The following KIAA1217 variants were observed in gnomAD, a reference collection of about 807,000 sequenced individuals.
The protein encoded by KIAA1217 is KIAA1217, also known as sickle tail protein homolog.
Under a neutral mutation model 163.9 loss-of-function variants are expected in KIAA1217, and 88 were observed. The observed-to-expected ratio is 0.54, with a 90% CI of 0.45 to 0.64. KIAA1217 has a LOEUF of 0.64. KIAA1217 is among the 30% of genes least tolerant of loss of function. The pLI, the probability that KIAA1217 is intolerant of heterozygous loss-of-function variation, is 0.00. For missense variants in KIAA1217, 2,372 were observed against 2,475.0 expected (o/e 0.96, Z 0.88); for synonymous variants, 903 against 923.1 (o/e 0.98, Z 0.39).
In KIAA1217 at chr10:24,162,996, C is replaced by T. The variant is rs185681526; in HGVS notation, c.-170-56630C>T. 4.2e-3 allele frequency among the ~76,000 whole-genome samples: 634 copies of T among 152,272 alleles called. 2 individuals are homozygous for T. The highest frequency in any genetic ancestry group is 7.4e-3 in the Non-Finnish European group (504 of 68,006). On this transcript the variant is annotated intron_variant, in intron 2 of 18. Coordinates refer to the KIAA1217 transcript ENST00000376462. The stretch of plus-strand genomic sequence containing the variant: ...GCAGCCACAGTCTTTTACAATCCAT[C>T]TTGGAAATGACATGGGAAAAAATCA...
rs74124846 is a variant in KIAA1217, at chr10:23,991,487, T to C, written c.-320-15738T>C. ...ATGCATGAAGAAGTGAGATCATAGATCCTGTATCTGCAAGTGTAATATATT... is the reference window on the plus strand; with the variant it reads ...ATGCATGAAGAAGTGAGATCATAGACCCTGTATCTGCAAGTGTAATATATT... On this transcript the variant is annotated intron_variant, in intron 1 of 18. Transcript: ENST00000376462. Among the ~76,000 whole-genome samples, 421 of 152,270 alleles carry C rather than the reference T, an allele frequency of 2.8e-3. 2 individuals are homozygous for C. The highest frequency in any genetic ancestry group is 9.6e-3 in the African/African-American group (398 of 41,556).
intron 2 of KIAA1217, among the ~76,000 whole-genome samples, chr10:24,110,742 A>C (rs2062814918): frequency 6.6e-6 from 1 of 152,250 alleles, no homozygotes; most frequent in Admixed American, 6.5e-5. Flanking sequence ...AAACGGCATA[A>C]GTTTTAAGTG....
chr10:23,830,695 T>TAGGA (rs1278520655), intron 1 of KIAA1217, among the ~76,000 whole-genome samples: 1 of 151,388 alleles, frequency 6.6e-6, no homozygotes, highest in African/African-American at 2.4e-5. Flanking sequence ...GGTAGGTAGG[T>TAGGA]AGGTAGGTAG....
chr10:24,434,170 G>A (rs1049620419), intron 4 of KIAA1217, among the ~76,000 whole-genome samples: 2 of 151,324 alleles, frequency 1.3e-5, no homozygotes, highest in African/African-American at 4.9e-5. Flanking sequence ...CCAAGTAGCT[G>A]GGATTACAGG....
At chr10:23,958,336 C>T (rs1249164676) in intron 1 of KIAA1217, among the ~76,000 whole-genome samples, 1 of 152,100 alleles carries the variant, frequency 6.6e-6, no homozygotes, top group Admixed American at 6.6e-5. Flanking sequence ...GCTTTGAATG[C>T]CACACCAAAA....
At chr10:24,371,686 T>G (rs2051672076) in intron 2 of KIAA1217, among the ~76,000 whole-genome samples, 1 of 152,192 alleles carries the variant, frequency 6.6e-6, no homozygotes, top group Non-Finnish European at 1.5e-5. Flanking sequence ...AGGGGCCATC[T>G]CTAATGACAA....
At chr10:24,443,799 A>G (rs2060695287) in intron 5 of KIAA1217, among the ~76,000 whole-genome samples, 3 of 152,238 alleles carry the variant, frequency 2.0e-5, no homozygotes, top group Admixed American at 1.3e-4. Flanking sequence ...AAGATGGAAC[A>G]TACTAAAGTG....
chr10:24,097,720 A>G (rs2062217840), intron 2 of KIAA1217, among the ~76,000 whole-genome samples: 1 of 152,240 alleles, frequency 6.6e-6, no homozygotes, highest in South Asian at 2.1e-4. Flanking sequence ...CAAGTGGCCT[A>G]AAAAACAGAA....
intron 13 of KIAA1217, 40 bp from the exon 14 acceptor site, chr10:24,527,896 T>C (rs745493993): frequency 4.6e-6 from 7 of 1,527,492 alleles, no homozygotes; most frequent in Admixed American, 1.7e-5. Context: ...TTCTCCTCTA[T>C]GTGTCCACGT....
intron 2 of KIAA1217, among the ~76,000 whole-genome samples, chr10:24,057,049 G>A (rs2060554950): frequency 6.6e-6 from 1 of 151,742 alleles, no homozygotes; most frequent in African/African-American, 2.4e-5. Flanking sequence ...CAGAATACCA[G>A]CCTGGGTAAC....
chr10:24,412,118 T>C (rs1324143194), intron 3 of KIAA1217, among the ~76,000 whole-genome samples: 1 of 152,144 alleles, frequency 6.6e-6, no homozygotes, highest in Admixed American at 6.5e-5. Flanking sequence ...TCCCGTGTGA[T>C]TTTTATGTTT....
At chr10:24,498,276 C>T (rs1258023042) in intron 8 of KIAA1217, among the ~76,000 whole-genome samples, 1 of 152,034 alleles carries the variant, frequency 6.6e-6, no homozygotes. Flanking sequence ...AAGAGATTGA[C>T]CAAGACGGAG....
intron 1 of KIAA1217, among the ~76,000 whole-genome samples, chr10:23,913,307 A>T (rs1490509198): frequency 6.6e-6 from 1 of 151,998 alleles, no homozygotes; most frequent in East Asian, 1.9e-4. Flanking sequence ...CAGACAGCCG[A>T]TGAAGTACAT....
chr10:23,860,682 A>C (rs991730303), intron 1 of KIAA1217, among the ~76,000 whole-genome samples: 7 of 152,166 alleles, frequency 4.6e-5, no homozygotes, highest in African/African-American at 1.7e-4. Context: ...ATAATCATAA[A>C]GATGATGTTA....
At chr10:24,324,869 C>G (rs2044659841) in intron 2 of KIAA1217, among the ~76,000 whole-genome samples, 1 of 152,134 alleles carries the variant, frequency 6.6e-6, no homozygotes, top group Admixed American at 6.6e-5. Context: ...ATCATGTTTC[C>G]CTAACAATGC....
At chr10:23,977,365 G>T (rs1371734820) in intron 1 of KIAA1217, among the ~76,000 whole-genome samples, 2 of 152,138 alleles carry the variant, frequency 1.3e-5, no homozygotes, top group Non-Finnish European at 2.9e-5. Context: ...TTACCTTCAT[G>T]TTATACATGA....
intron 2 of KIAA1217, among the ~76,000 whole-genome samples, chr10:24,364,912 C>G (rs182039631): frequency 3.3e-5 from 5 of 152,040 alleles, no homozygotes; most frequent in African/African-American, 1.2e-4. Flanking sequence ...AGTCCTCCCC[C>G]CTCAGCCCCC....
intron 1 of KIAA1217, among the ~76,000 whole-genome samples, chr10:23,770,169 A>T (rs946441765): frequency 6.6e-6 from 1 of 152,170 alleles, no homozygotes; most frequent in Admixed American, 6.5e-5. Flanking sequence ...GAGGAAATTG[A>T]TGTGTGGCTT....
At chr10:23,697,238 G>T (rs1312717728) in intron 1 of KIAA1217, among the ~76,000 whole-genome samples, 1 of 152,222 alleles carries the variant, frequency 6.6e-6, no homozygotes, top group Non-Finnish European at 1.5e-5. Flanking sequence ...TCTAGGTAGT[G>T]AGGCAGATGG....
Sources: allele counts gnomAD v4.1 joint callset (sites outside exome capture counted in the v4.1 genomes callset), GRCh38; gene constraint gnomAD v4.1.1; transcripts MANE v1.5; gene names NCBI Gene and HGNC (gene_info 2026-07-23, HGNC 2026-07-21).